Variants in ASTN1 observed in about 807,000 individuals in gnomAD.
ASTN1 encodes astrotactin 1.
A neutral mutation model predicts 140.7 loss-of-function variants in ASTN1; 41 were observed. The observed-to-expected ratio is 0.29, with a 90% CI of 0.23 to 0.38. The LOEUF (loss-of-function observed/expected upper bound fraction) is 0.38, where lower values mean the gene tolerates loss of function less well. ASTN1 is among the 10% of genes least tolerant of loss of function. The pLI is 1.00. For missense variants in ASTN1, 1,479 were observed against 1,678.8 expected, an observed-to-expected ratio of 0.88 and a Z score of 2.08; for synonymous variants, 640 against 652.2, an observed-to-expected ratio of 0.98 and a Z score of 0.29.
At chr1:176,973,684 G>T (rs1673239860) in intron 8 of ASTN1, among the ~76,000 whole-genome samples, 1 of 152,202 alleles carries the variant, frequency 6.6e-6, no homozygotes, top group East Asian at 1.9e-4. Context: ...AGCACATGAT[G>T]TGCTTCCTCA....
intron 16 of ASTN1, among the ~76,000 whole-genome samples, chr1:176,912,776 G>T (rs1670300984): frequency 1.3e-5 from 2 of 152,184 alleles, no homozygotes; most frequent in African/African-American, 2.4e-5. Flanking sequence ...AAATCTAAAA[G>T]TAGTTTTAAC....
intron 1 of ASTN1, among the ~76,000 whole-genome samples, chr1:177,163,981 G>C (rs965893571): frequency 2.6e-5 from 4 of 152,100 alleles, no homozygotes; most frequent in Admixed American, 6.5e-5. Context: ...GGTGGGTGTG[G>C]GTATCCAGAG....
At chr1:176,875,776 T>C (rs1461497537) in intron 21 of ASTN1, among the ~76,000 whole-genome samples, 1 of 152,238 alleles carries the variant, frequency 6.6e-6, no homozygotes, top group African/African-American at 2.4e-5. Context: ...TGCTATCCGT[T>C]CAATACTACC....
At chr1:176,942,834 ATG>A (rs56820041) in intron 14 of ASTN1, among the ~76,000 whole-genome samples, 4,016 of 24,794 alleles carry the variant, frequency 0.16, 776 homozygotes, top group African/African-American at 0.19. Context: ...ATATATATAT[ATG>A]TATATATATA....
downstream of ASTN1, chr1:176,857,336 T>A (rs1174985588): frequency 2.7e-6 from 1 of 376,860 alleles, no homozygotes; most frequent in Non-Finnish European, 4.7e-6. Context: ...GTTTGAAGTA[T>A]ATATTAATCA....
Position 176,869,013 on chromosome 1 carries a change from T to A in ASTN1, c.3478A>T (p.Ile1160Phe). The change falls in exon 22 of 23, where the codon ATC becomes TTC. Residue 1160 changes from isoleucine to phenylalanine, a missense_variant. By Grantham distance (21) the Ile-to-Phe change is conservative. Coordinates refer to ENST00000361833, the MANE Select transcript of ASTN1 (RefSeq NM_004319.3). ...GTGTAGCCATTGAAGAGATTGTAGA[T>A]CTTGTCTGCTATTTCTGAGGAAGGA... ...DVKAQEIADK[I>F]YNLFNGYTSG... is the part of the protein sequence containing the mutation. 6.3e-7 allele frequency: 1 copy of A among 1,589,618 alleles called. No homozygotes were observed. Among genetic ancestry groups the A allele is most frequent in the Middle Eastern group, 1.7e-4 (1 of 5,836 alleles).
intron 1 of ASTN1, among the ~76,000 whole-genome samples, chr1:177,115,870 A>G (rs1304647015): frequency 6.6e-6 from 1 of 152,180 alleles, no homozygotes; most frequent in Non-Finnish European, 1.5e-5. Context: ...TACACACGCA[A>G]CATTTAATTT....
intron 1 of ASTN1, among the ~76,000 whole-genome samples, chr1:177,095,952 T>C (rs980341761): frequency 1.3e-5 from 2 of 152,164 alleles, no homozygotes; most frequent in Admixed American, 1.3e-4. Context: ...CTAGCCCCAG[T>C]GTTTTCTGAA....
intron 2 of ASTN1, among the ~76,000 whole-genome samples, chr1:177,058,805 A>C (rs1253540875): frequency 6.9e-6 from 1 of 145,730 alleles, no homozygotes. Context: ...CAGTATACCC[A>C]CCCCCACAAA....
chr1:177,022,332 G>A (rs1217439350), intron 7 of ASTN1, among the ~76,000 whole-genome samples: 1 of 152,150 alleles, frequency 6.6e-6, no homozygotes. Flanking sequence ...GTTTAGCTTG[G>A]GAATCTTAGA....
intron 1 of ASTN1, among the ~76,000 whole-genome samples, chr1:177,095,804 GA>G (rs1165942269): frequency 2.0e-5 from 3 of 152,114 alleles, no homozygotes; most frequent in African/African-American, 7.2e-5. Context: ...TGCAACTCCA[GA>G]CCAGTAGAGA....
At chr1:176,945,588 T>A (rs978057188) in intron 13 of ASTN1, among the ~76,000 whole-genome samples, 2 of 152,194 alleles carry the variant, frequency 1.3e-5, no homozygotes, top group African/African-American at 4.8e-5. Context: ...CTGTGAAGAC[T>A]GCTGTTCTAG....
At chr1:177,062,559 T>C (rs1006511388) in intron 1 of ASTN1, among the ~76,000 whole-genome samples, 6 of 151,858 alleles carry the variant, frequency 4.0e-5, no homozygotes, top group African/African-American at 1.5e-4. Context: ...TTTTTTTTTT[T>C]TTTAAGGCAA....
intron 17 of ASTN1, among the ~76,000 whole-genome samples, chr1:176,892,936 A>G (rs771541961): frequency 9.2e-5 from 14 of 152,218 alleles, no homozygotes; most frequent in Non-Finnish European, 1.9e-4. Context: ...CTTTGTGTTT[A>G]GAAATTAAAG....
At chr1:176,917,623 A>G (rs552421202) in intron 16 of ASTN1, among the ~76,000 whole-genome samples, 1 of 152,158 alleles carries the variant, frequency 6.6e-6, no homozygotes, top group East Asian at 1.9e-4. Context: ...CTTGGGTTCC[A>G]GTTTCAGTTC....
intron 1 of ASTN1, among the ~76,000 whole-genome samples, chr1:177,154,505 AT>A (rs1437576261): frequency 6.6e-6 from 1 of 152,200 alleles, no homozygotes; most frequent in Non-Finnish European, 1.5e-5. Flanking sequence ...AGAAATCCCT[AT>A]TGGACAGTGC....
rs73047965 is a variant in ASTN1, at chr1:176,903,047, C to T, written c.2672-8217G>A. 3.8e-3 allele frequency among the ~76,000 whole-genome samples: 576 copies of T among 152,298 alleles called. 1 individual carries two copies. Among genetic ancestry groups the T allele is most frequent in the African/African-American group, 0.013 (536 of 41,568 alleles). Reference sequence around the variant, plus strand: ...TCACCCAGTGCTTTACACTTGGAAGCATTCAAGAAATACATCAGGATGGAG... The same window carrying T: ...TCACCCAGTGCTTTACACTTGGAAGTATTCAAGAAATACATCAGGATGGAG... On this transcript the variant is annotated intron_variant, in intron 16 of 22. Coordinates refer to ENST00000361833, the MANE Select transcript of ASTN1 (RefSeq NM_004319.3).
At chr1:177,105,046 C>A (rs1250466002) in intron 1 of ASTN1, among the ~76,000 whole-genome samples, 1 of 152,150 alleles carries the variant, frequency 6.6e-6, no homozygotes, top group Non-Finnish European at 1.5e-5. Flanking sequence ...CCTAGGGAGT[C>A]AAGTGGTGGT....
At chr1:176,948,789 T>G (rs114826260) in intron 12 of ASTN1, among the ~76,000 whole-genome samples, 2,124 of 149,800 alleles carry the variant, frequency 0.014, 54 homozygotes, top group African/African-American at 0.049. Flanking sequence ...GAGAATTGAC[T>G]AGTTTTGCAC....
Sources: gnomAD v4.1 joint callset for allele counts (sites outside exome capture counted in the v4.1 genomes callset) on GRCh38, gnomAD v4.1.1 for gene constraint, MANE v1.5 for transcripts, NCBI Gene and HGNC (gene_info 2026-07-23, HGNC 2026-07-21) for gene names.